Variants in ZC3H12B observed in about 807,000 individuals in gnomAD.
ZC3H12B encodes the protein probable ribonuclease ZC3H12B.
Under a neutral mutation model 43.9 loss-of-function variants are expected in ZC3H12B, and 7 were observed. The observed-to-expected ratio is 0.16, with a 90% confidence interval of 0.09 to 0.30. ZC3H12B has a LOEUF of 0.30. Among genes scored for constraint, ZC3H12B ranks in the 10% least tolerant of loss-of-function variants. The pLI, the probability that ZC3H12B is intolerant of heterozygous loss-of-function variation, is 1.00. For missense variants in ZC3H12B, 475 were observed against 670.2 expected (o/e 0.71, Z 3.22); for synonymous variants, 222 against 241.7 (o/e 0.92, Z 0.76).
chrX:65,174,918 GA>G, the ZC3H12B span, among the ~76,000 whole-genome samples: 3 of 93,828 alleles, frequency 3.2e-5, no homozygotes, highest in East Asian at 3.5e-4. Flanking sequence ...GCCAATGGAG[GA>G]AAAAAAAACA....
the ZC3H12B span, among the ~76,000 whole-genome samples, chrX:65,305,930 G>A: frequency 2.1e-4 from 23 of 111,719 alleles, no homozygotes; most frequent in Non-Finnish European, 4.3e-4. Flanking sequence ...ATCTACTGTT[G>A]TCTGATTTAC....
At chrX:65,456,585 C>T (rs758015664) in intron 3 of ZC3H12B, among the ~76,000 whole-genome samples, 58 of 105,490 alleles carry the variant, frequency 5.5e-4, no homozygotes, top group African/African-American at 1.7e-3. Flanking sequence ...ATTGCAGGCG[C>T]GCGCCGCCAC....
At chrX:65,328,206 C>G in the ZC3H12B span, 786 of 235,905 alleles carry the variant, frequency 3.3e-3, 3 homozygotes, top group Non-Finnish European at 2.7e-3. Context: ...AACATGGCTG[C>G]ATCAGGGTGA....
the ZC3H12B span, among the ~76,000 whole-genome samples, chrX:65,283,805 A>C: frequency 8.9e-6 from 1 of 111,833 alleles, no homozygotes; most frequent in African/African-American, 3.3e-5. Flanking sequence ...CATTATGGAA[A>C]TTTGGGCTGT....
the ZC3H12B span, among the ~76,000 whole-genome samples, chrX:65,359,388 G>A: frequency 9.0e-6 from 1 of 111,655 alleles, no homozygotes; most frequent in African/African-American, 3.3e-5. Flanking sequence ...GATGAACCTG[G>A]GAAAAAGTAA....
chrX:65,270,761 C>T, the ZC3H12B span, among the ~76,000 whole-genome samples: 7 of 111,693 alleles, frequency 6.3e-5, no homozygotes, highest in Non-Finnish European at 1.3e-4. Flanking sequence ...TTGGCACTGA[C>T]TTCTGGAAGA....
chrX:65,279,863 A>G, the ZC3H12B span, among the ~76,000 whole-genome samples: 1 of 112,298 alleles, frequency 8.9e-6, no homozygotes, highest in East Asian at 2.8e-4. Flanking sequence ...AGGAACTTAT[A>G]CAAATTTACA....
the ZC3H12B span, among the ~76,000 whole-genome samples, chrX:65,242,447 C>A: frequency 1.8e-5 from 2 of 111,300 alleles, no homozygotes; most frequent in Non-Finnish European, 3.8e-5. Flanking sequence ...AATGAGAGAT[C>A]TCTATAATGA....
the ZC3H12B span, among the ~76,000 whole-genome samples, chrX:65,255,341 G>A: frequency 2.8e-3 from 309 of 111,885 alleles, 3 homozygotes; most frequent in African/African-American, 9.8e-3. Flanking sequence ...AAAGTATCAG[G>A]CTACCAGTGG....
chrX:65,265,312 G>A, the ZC3H12B span, among the ~76,000 whole-genome samples: 5 of 111,774 alleles, frequency 4.5e-5, no homozygotes, highest in African/African-American at 1.6e-4. Flanking sequence ...GATACAGTGG[G>A]TCTAAGAAAA....
the ZC3H12B span, among the ~76,000 whole-genome samples, chrX:65,216,060 G>A: frequency 9.0e-6 from 1 of 110,968 alleles, no homozygotes. Flanking sequence ...CAAGAAGAAG[G>A]CAGAGCAGCA....
chrX:65,353,139 T>A, the ZC3H12B span, among the ~76,000 whole-genome samples: 2 of 111,599 alleles, frequency 1.8e-5, no homozygotes, highest in African/African-American at 6.5e-5. Context: ...ATTACAGACA[T>A]GATCCACTGT....
chrX:65,225,131 G>T, the ZC3H12B span, among the ~76,000 whole-genome samples: 7 of 111,586 alleles, frequency 6.3e-5, no homozygotes, highest in Non-Finnish European at 9.4e-5. Context: ...CCCCCCAGTA[G>T]GGGCAGACTG....
chrX:65,363,225 C>T (rs2066127651), upstream of ZC3H12B, among the ~76,000 whole-genome samples: 1 of 110,981 alleles, frequency 9.0e-6, no homozygotes, highest in Admixed American at 9.6e-5. Flanking sequence ...AACAAGACAC[C>T]CTCCTGCTCC....
chrX:65,479,842 G>A (rs183977146), intron 3 of ZC3H12B, among the ~76,000 whole-genome samples: 37 of 112,465 alleles, frequency 3.3e-4, no homozygotes, highest in East Asian at 1.9e-3. Context: ...GTGTGGGAGC[G>A]GGCCAGAGCA....
At chrX:65,059,216 A>ACCC in the ZC3H12B span, among the ~76,000 whole-genome samples, 24 of 60,900 alleles carry the variant, frequency 3.9e-4, no homozygotes, top group African/African-American at 3.2e-3. Flanking sequence ...CCATCTTGGA[A>ACCC]CCACCCCCCC....
At chrX:65,187,969 A>C in the ZC3H12B span, among the ~76,000 whole-genome samples, 1 of 110,814 alleles carries the variant, frequency 9.0e-6, no homozygotes, top group South Asian at 3.8e-4. Flanking sequence ...TATCTTTCTC[A>C]GCCTTTGGTA....
intron 3 of ZC3H12B, among the ~76,000 whole-genome samples, chrX:65,460,579 G>A (rs1269170813): frequency 1.8e-5 from 2 of 111,681 alleles, no homozygotes; most frequent in Admixed American, 9.5e-5. Flanking sequence ...TCTGATCTTT[G>A]GCAAACCTGA....
the ZC3H12B span, among the ~76,000 whole-genome samples, chrX:65,360,198 T>A: frequency 8.9e-6 from 1 of 112,639 alleles, no homozygotes; most frequent in East Asian, 2.8e-4. Flanking sequence ...TAAAAAATCA[T>A]GTGAGTCACT....
Sources: allele counts gnomAD v4.1 joint callset (sites outside exome capture counted in the v4.1 genomes callset), GRCh38; gene constraint gnomAD v4.1.1; transcripts MANE v1.5; gene names NCBI Gene and HGNC (gene_info 2026-07-23, HGNC 2026-07-21).